The following FAM135A variants were observed in gnomAD, a reference collection of about 807,000 sequenced individuals.
The protein encoded by FAM135A is family with sequence similarity 135 member A, also known as protein FAM135A.
In FAM135A, 79 loss-of-function variants were observed where a neutral mutation model predicts 146.8. The ratio of observed to expected loss-of-function variants is 0.54; its 90% confidence interval spans 0.45 to 0.65. The LOEUF is 0.65. FAM135A is among the 30% of genes least tolerant of loss of function. FAM135A has a pLI of 0.00. For synonymous variants in FAM135A, 562 were observed against 603.6 expected (o/e 0.93, Z 1.01); for missense variants, 1,623 against 1,758.2 (o/e 0.92, Z 1.38).
Position 70,526,248 on chromosome 6 carries a change from G to A in FAM135A, c.3164G>A (p.Cys1055Tyr), listed in dbSNP as rs1228092803. Residue 1055 changes from cysteine (C) to tyrosine (Y), a missense_variant, in exon 15 of 22, where the codon TGT (cysteine) becomes TAT (tyrosine). Physicochemically the swap from Cys to Tyr is radical, Grantham distance 194. Coordinates refer to ENST00000418814, the MANE Select transcript of FAM135A (RefSeq NM_001162529.3). ...AGCAGTACGGATATTTCTGACACATGTGCTGTTAGCTACAGCAATGCACTT... is the reference window on the plus strand; with the variant it reads ...AGCAGTACGGATATTTCTGACACATATGCTGTTAGCTACAGCAATGCACTT... ...SQSSTDISDT[C>Y]AVSYSNALSP... 1 of 1,613,374 alleles carries A rather than the reference G, an allele frequency of 6.2e-7. No homozygotes were observed. Among genetic ancestry groups the A allele is most frequent in the Non-Finnish European group, 8.5e-7 (1 of 1,179,640 alleles).
chr6:70,424,372 G>T (rs1387446622), intron 2 of FAM135A, among the ~76,000 whole-genome samples: 2 of 152,184 alleles, frequency 1.3e-5, no homozygotes, highest in Non-Finnish European at 2.9e-5. Context: ...TCTCCATTCA[G>T]TTCTCTGTGC....
At chr6:70,497,532 T>C (rs1263040191) in intron 11 of FAM135A, among the ~76,000 whole-genome samples, 10 of 152,186 alleles carry the variant, frequency 6.6e-5, no homozygotes, top group Admixed American at 5.9e-4. Flanking sequence ...TCCAATACTA[T>C]GTTGAATAGG....
At chr6:70,452,367 T>C in intron 4 of FAM135A, 125 bp from the exon 5 acceptor site, 1 of 683,754 alleles carries the variant, frequency 1.5e-6, no homozygotes, top group South Asian at 1.9e-5. Context: ...CAATAGTAAA[T>C]GTTATGGGAG....
intron 5 of FAM135A, 122 bp downstream of exon 5, chr6:70,452,693 G>T (rs758810196): frequency 3.3e-6 from 2 of 614,362 alleles, no homozygotes; most frequent in Non-Finnish European, 5.3e-6. Flanking sequence ...GATAACCATT[G>T]TAAGAAATAT....
At chr6:70,513,194 T>C (rs1230408184) in intron 12 of FAM135A, 1 of 151,804 alleles carries the variant, frequency 6.6e-6, no homozygotes, top group African/African-American at 2.4e-5. Flanking sequence ...ATACTAAGTC[T>C]TGCAGCCAGG....
intron 10 of FAM135A, among the ~76,000 whole-genome samples, chr6:70,487,083 C>CAAAAAAATAAAAATAAAATATTTTTTTA (rs1784825582): frequency 2.5e-5 from 1 of 40,612 alleles, no homozygotes; most frequent in Admixed American, 3.9e-4. Context: ...ACTCCCATCT[C>CAAAAAAATAAAAATAAAATATTTTTTTA]AAAAAAAAAA....
chr6:70,426,056 T>G, intron 2 of FAM135A, among the ~76,000 whole-genome samples: 1 of 151,560 alleles, frequency 6.6e-6, no homozygotes. Context: ...TGAGCCGAGA[T>G]TGCGCCACTG....
chr6:70,454,437 T>A (rs1383050307), intron 5 of FAM135A, among the ~76,000 whole-genome samples: 1 of 152,208 alleles, frequency 6.6e-6, no homozygotes, highest in Non-Finnish European at 1.5e-5. Context: ...CAATTCTGGC[T>A]TTTGTTGCCA....
chr6:70,530,490 A>T (rs1277944322), intron 16 of FAM135A, among the ~76,000 whole-genome samples: 1 of 152,228 alleles, frequency 6.6e-6, no homozygotes, highest in Non-Finnish European at 1.5e-5. Context: ...AGCAGTTTAT[A>T]ACGACATGCT....
intron 11 of FAM135A, among the ~76,000 whole-genome samples, chr6:70,491,575 G>A (rs1280768381): frequency 2.0e-5 from 3 of 151,656 alleles, no homozygotes; most frequent in Non-Finnish European, 4.4e-5. Flanking sequence ...ATTCACTCTT[G>A]GTCAGCTACA....
intron 2 of FAM135A, among the ~76,000 whole-genome samples, chr6:70,422,587 T>C (rs1472233959): frequency 6.6e-6 from 1 of 152,148 alleles, no homozygotes; most frequent in Non-Finnish European, 1.5e-5. Context: ...CACAACAGGA[T>C]ACAAGAGTAA....
In FAM135A at chr6:70,467,102, G is replaced by A. The variant is rs1317381504; in HGVS notation, c.158-8308G>A. Among the ~76,000 whole-genome samples the A allele has an allele frequency of 2.0e-5, 3 of 152,112 alleles. No individual in the cohort carries two copies. In the South Asian group the frequency reaches 6.2e-4, roughly 31 times the overall value. On this transcript the variant is annotated intron_variant, in intron 5 of 21. Transcript: ENST00000418814. ...AATAGTTAACTTGTTGAGAAAAGTG[G>A]CATGGGAAATAAATATTTTGAAGCC...
intron 12 of FAM135A, among the ~76,000 whole-genome samples, chr6:70,505,533 A>G (rs1211099385): frequency 6.6e-6 from 1 of 150,750 alleles, no homozygotes; most frequent in Middle Eastern, 3.2e-3. Context: ...GGGGGATACT[A>G]CATTTTTTTT....
intron 5 of FAM135A, among the ~76,000 whole-genome samples, chr6:70,472,839 G>C (rs1781877321): frequency 6.6e-6 from 1 of 152,098 alleles, no homozygotes. Flanking sequence ...TTTTTGACAG[G>C]AATATCTCAG....
At chr6:70,549,367 G>GA (rs1188535457) in intron 20 of FAM135A, among the ~76,000 whole-genome samples, 1 of 151,844 alleles carries the variant, frequency 6.6e-6, no homozygotes, top group African/African-American at 2.4e-5. Context: ...AATATTAAGT[G>GA]AAAAAAGACA....
chr6:70,480,962 T>G lies in FAM135A; in HGVS notation c.604T>G (p.Ser202Ala), dbSNP rs1783590329. Residue 202 changes from serine to alanine, a missense_variant, in exon 9 of 22, where the codon TCC becomes GCC. Around this residue, in one of 7 missense-constraint regions of FAM135A, gnomAD observed 206 missense variants for 194.7 expected, o/e 1.06. Transcript: ENST00000418814. ...AAATGCACCAGCACAAAACAAAGAT[T>G]CCGTGATTCCTACTCTTGAAAGTGT... Reference protein sequence around the residue: ...NRNAPAQNKDSVIPTLESVVF... With the variant: ...NRNAPAQNKDAVIPTLESVVF... 2.2e-5 allele frequency: 36 copies of G among 1,612,602 alleles called. No homozygotes were observed. The East Asian group carries it at 7.8e-4, about 35-fold the overall frequency.
chr6:70,481,162 T>TA, intron 9 of FAM135A, 135 bp downstream of exon 9: 1 of 830,730 alleles, frequency 1.2e-6, no homozygotes, highest in Non-Finnish European at 1.7e-6. Flanking sequence ...AAATATGATC[T>TA]TAAAAATTGT....
intron 2 of FAM135A, among the ~76,000 whole-genome samples, chr6:70,426,102 T>TC (rs922112759): frequency 4.8e-5 from 7 of 145,838 alleles, no homozygotes; most frequent in Admixed American, 2.7e-4. Context: ...AGAGCGAGAC[T>TC]CCGTCTCAAA....
chr6:70,468,902 G>T (rs1458109540), intron 5 of FAM135A, among the ~76,000 whole-genome samples: 1 of 152,152 alleles, frequency 6.6e-6, no homozygotes, highest in African/African-American at 2.4e-5. Flanking sequence ...TTCTGCTAGG[G>T]TGAAGGAGGG....
Sources: allele counts gnomAD v4.1 joint callset (sites outside exome capture counted in the v4.1 genomes callset), GRCh38; gene constraint gnomAD v4.1.1; regional missense constraint gnomAD v4.1.1; transcripts MANE v1.5; gene names NCBI Gene and HGNC (gene_info 2026-07-23, HGNC 2026-07-21).